SNTG2: variants seen among roughly 807,000 people sequenced by gnomAD.
The protein encoded by SNTG2 is gamma-2-syntrophin.
In SNTG2, 74 loss-of-function variants were observed where a neutral mutation model predicts 70.9. The ratio of observed to expected loss-of-function variants is 1.04; its 90% CI spans 0.86 to 1.27. The LOEUF (loss-of-function observed/expected upper bound fraction) is 1.27. SNTG2 is among the 50% of genes most tolerant of loss of function. The pLI, the probability that SNTG2 is intolerant of heterozygous loss-of-function variation, is 0.00. For synonymous variants in SNTG2, 278 were observed against 273.8 expected, an observed-to-expected ratio of 1.02 and a Z score of -0.15; for missense variants, 717 against 690.7, an observed-to-expected ratio of 1.04 and a Z score of -0.43.
Position 1,307,003 on chromosome 2 carries a change from CTGTG to C in SNTG2, c.1285-1485_1285-1482del, listed in dbSNP as rs1490931537. On this transcript the variant is annotated intron_variant, in intron 14 of 16. Transcript: ENST00000308624. ...GTGTGTGTGGAGTGAGAGTCATGCACTGTGTGTGTCTGGTGTGTGTCATGTGCTG... is the reference window on the plus strand; with the variant it reads ...GTGTGTGTGGAGTGAGAGTCATGCACTGTGTCTGGTGTGTGTCATGTGCTG... Among the ~76,000 whole-genome samples the C allele has an allele frequency of 4.0e-5, 6 of 150,004 alleles. No individual in the cohort carries two copies. The East Asian group carries it at 6.0e-4, about 15-fold the overall frequency.
Position 983,291 on chromosome 2 carries a change from TAGAAGCTGCGGAGGTGGTGGTCAGGATGA to T in SNTG2, c.72+32233_72+32261del, listed in dbSNP as rs1184476240. Among the ~76,000 whole-genome samples the T allele has an allele frequency of 5.1e-5, 4 of 78,656 alleles. No individual in the cohort carries two copies. The East Asian group carries it at 8.9e-4, about 17-fold the overall frequency. 51.6% of individuals were successfully genotyped at this position (78,656 alleles called of 152,430 possible). A position where few individuals can be genotyped will look rare whatever the true frequency, so the allele number is the denominator to read the frequency against. On this transcript the variant is annotated intron_variant, in intron 1 of 16. Transcript: ENST00000308624. ...GGGATGAAGCAGAGGCTCTCTTCCA[TAGAAGCTGCGGAGGTGGTGGTCAGGATGA>T]AGAAGCTGCAGAGGTGGAAGTCGGG...
rs904213667 is a variant in SNTG2, at chr2:962,267, C to T, written c.72+11199C>T. On this transcript the variant is annotated intron_variant, in intron 1 of 16. Coordinates refer to ENST00000308624, the MANE Select transcript of SNTG2 (RefSeq NM_018968.4). ...TTTTAACTTTTATACCGATGGGGTC[C>T]CATTATGTTGCCCAGGCTGATCTTG... 7.4e-5 allele frequency among the ~76,000 whole-genome samples: 11 copies of T among 149,224 alleles called. No individual in the cohort carries two copies. In the South Asian group the frequency reaches 1.5e-3, roughly 20 times the overall value.
intron 16 of SNTG2, among the ~76,000 whole-genome samples, chr2:1,337,613 C>T (rs566003207): frequency 4.6e-5 from 7 of 152,148 alleles, no homozygotes; most frequent in South Asian, 2.1e-4. Context: ...GTGTGATTTG[C>T]GGATGTCTTC....
At chr2:1,117,706 C>T (rs945616410) in intron 4 of SNTG2, among the ~76,000 whole-genome samples, 5 of 152,218 alleles carry the variant, frequency 3.3e-5, no homozygotes, top group African/African-American at 4.8e-5. Flanking sequence ...GAGGTTCCTG[C>T]CTCCCCAGGG....
chr2:1,160,087 A>C (rs1572603314), intron 6 of SNTG2: 1 of 152,226 alleles, frequency 6.6e-6, no homozygotes, highest in Non-Finnish European at 1.5e-5. Context: ...TTTCAAGTGA[A>C]AATGGGGCAA....
At chr2:1,069,540 C>T (rs184976614) in intron 1 of SNTG2, among the ~76,000 whole-genome samples, 14 of 150,670 alleles carry the variant, frequency 9.3e-5, no homozygotes, top group Admixed American at 4.0e-4. Flanking sequence ...TGCCTGTAAT[C>T]TCAGCACTTT....
At chr2:1,232,962 CT>C (rs1378855511) in intron 9 of SNTG2, among the ~76,000 whole-genome samples, 3 of 152,190 alleles carry the variant, frequency 2.0e-5, no homozygotes, top group Non-Finnish European at 1.5e-5. Context: ...CAATGCACAC[CT>C]TTCCTCTCTG....
At chr2:990,616 T>C (rs1048653017) in intron 1 of SNTG2, among the ~76,000 whole-genome samples, 2 of 152,190 alleles carry the variant, frequency 1.3e-5, no homozygotes, top group African/African-American at 4.8e-5. Context: ...TTCAACATCA[T>C]CTAGGAATTT....
chr2:1,292,573 A>G (rs1417414063), intron 14 of SNTG2, among the ~76,000 whole-genome samples: 2 of 152,130 alleles, frequency 1.3e-5, no homozygotes, highest in Non-Finnish European at 2.9e-5. Flanking sequence ...GAATTTTGCC[A>G]GTTACTTTTT....
chr2:1,341,747 G>A (rs1041310762), intron 16 of SNTG2: 4 of 152,180 alleles, frequency 2.6e-5, no homozygotes, highest in Non-Finnish European at 4.4e-5. Context: ...CCTTGATTCC[G>A]AGGCAGCTTC....
intron 11 of SNTG2, among the ~76,000 whole-genome samples, chr2:1,246,177 C>T (rs529093345): frequency 1.3e-5 from 2 of 152,310 alleles, no homozygotes; most frequent in East Asian, 1.9e-4. Context: ...TCAGGGGATT[C>T]GTATTCAACA....
intron 1 of SNTG2, among the ~76,000 whole-genome samples, chr2:1,037,800 A>C (rs10210283): frequency 0.44 from 66,729 of 151,830 alleles, 15,801 homozygotes; most frequent in African/African-American, 0.62. Flanking sequence ...TTGCTGAATA[A>C]TATTCCATTT....
intron 16 of SNTG2, among the ~76,000 whole-genome samples, chr2:1,349,007 G>T (rs1392294064): frequency 6.6e-6 from 1 of 152,204 alleles, no homozygotes; most frequent in African/African-American, 2.4e-5. Flanking sequence ...TTTAATTATT[G>T]CAAGGCAACT....
chr2:1,057,078 G>C (rs7370243), intron 1 of SNTG2, among the ~76,000 whole-genome samples: 90,801 of 151,772 alleles, frequency 0.6, 27,804 homozygotes, highest in Non-Finnish European at 0.68. Flanking sequence ...AGGGTTGGAC[G>C]GGGCTTTCTG....
intron 9 of SNTG2, among the ~76,000 whole-genome samples, chr2:1,223,208 G>A (rs866886058): frequency 3.3e-5 from 3 of 90,326 alleles, no homozygotes; most frequent in Admixed American, 2.4e-4. Context: ...GATGGAGGGC[G>A]TCTCCCTGTC....
intron 14 of SNTG2, among the ~76,000 whole-genome samples, chr2:1,301,156 C>A (rs755358338): frequency 2.6e-5 from 4 of 151,860 alleles, no homozygotes; most frequent in Non-Finnish European, 5.9e-5. Flanking sequence ...CAGTGGATGG[C>A]GGGGAAGGGT....
intron 1 of SNTG2, among the ~76,000 whole-genome samples, chr2:987,327 GT>G (rs1405435517): frequency 6.6e-6 from 1 of 152,172 alleles, no homozygotes; most frequent in African/African-American, 2.4e-5. Context: ...CCCCATGGAT[GT>G]CGGCGTCCTG....
At chr2:1,161,077 G>C (rs1001302998) in intron 6 of SNTG2, 3 of 152,274 alleles carry the variant, frequency 2.0e-5, no homozygotes, top group African/African-American at 7.2e-5. Flanking sequence ...CTCCTACCTT[G>C]ACTTTGTCGG....
chr2:1,072,522 AG>A (rs1663645800), intron 1 of SNTG2, among the ~76,000 whole-genome samples: 2 of 151,922 alleles, frequency 1.3e-5, no homozygotes. Context: ...TGAGACAAAA[AG>A]AAAAAAAAGA....
Sources: gnomAD v4.1 joint callset for allele counts (sites outside exome capture counted in the v4.1 genomes callset) on GRCh38, gnomAD v4.1.1 for gene constraint, MANE v1.5 for transcripts, NCBI Gene and HGNC (gene_info 2026-07-23, HGNC 2026-07-21) for gene names.